Variants in STMN2 observed in about 807,000 individuals in gnomAD.
STMN2 encodes the protein stathmin-2.
STMN2 carries 2 observed loss-of-function variants against 24.1 expected under a neutral mutation model. The observed-to-expected ratio is 0.08, with a 90% CI of 0.03 to 0.26. The LOEUF (loss-of-function observed/expected upper bound fraction) is 0.26, where lower values mean the gene tolerates loss of function less well. STMN2 is among the 10% of genes least tolerant of loss of function. STMN2 has a pLI of 1.00. For synonymous variants in STMN2, 83 were observed against 77.5 expected, an observed-to-expected ratio of 1.07 and a Z score of -0.37; for missense variants, 114 against 213.6, an observed-to-expected ratio of 0.53 and a Z score of 2.91.
intron 4 of STMN2, among the ~76,000 whole-genome samples, chr8:79,656,150 G>A (rs13256597): frequency 0.13 from 19,138 of 152,132 alleles, 1,506 homozygotes; most frequent in Non-Finnish European, 0.18. Context: ...AAGGAAATCA[G>A]GCATGAAAAC....
intron 4 of STMN2, among the ~76,000 whole-genome samples, chr8:79,664,297 A>G (rs1806557628): frequency 6.6e-6 from 1 of 152,216 alleles, no homozygotes; most frequent in South Asian, 2.1e-4. Context: ...CTGAAACATC[A>G]AGTGTGTGTA....
intron 3 of STMN2, among the ~76,000 whole-genome samples, chr8:79,653,272 G>A (rs533713928): frequency 2.0e-5 from 3 of 152,256 alleles, no homozygotes; most frequent in African/African-American, 7.2e-5. Context: ...AGCTACTCAG[G>A]AAGCTGAGAC....
At chr8:79,615,065 A>G (rs1809352821) in intron 1 of STMN2, among the ~76,000 whole-genome samples, 1 of 152,282 alleles carries the variant, frequency 6.6e-6, no homozygotes, top group Non-Finnish European at 1.5e-5. Context: ...ATTTAAGATC[A>G]AATAGTTACT....
At chr8:79,628,054 A>G (rs1194644482) in intron 1 of STMN2, among the ~76,000 whole-genome samples, 1 of 152,232 alleles carries the variant, frequency 6.6e-6, no homozygotes, top group Non-Finnish European at 1.5e-5. Context: ...ATAATGATGC[A>G]GTGAACATAG....
intron 1 of STMN2, among the ~76,000 whole-genome samples, chr8:79,617,850 A>G (rs1168444578): frequency 6.6e-6 from 1 of 152,238 alleles, no homozygotes; most frequent in African/African-American, 2.4e-5. Flanking sequence ...ACCCTTGTAT[A>G]GCACATATAA....
At chr8:79,612,644 GC>G (rs2130285877) in intron 1 of STMN2, among the ~76,000 whole-genome samples, 1 of 152,266 alleles carries the variant, frequency 6.6e-6, no homozygotes, top group Non-Finnish European at 1.5e-5. Context: ...GCGCTCAGTG[GC>G]CCCGGGGTGA....
At chr8:79,625,982 CAATAA>C (rs1809644866) in intron 1 of STMN2, among the ~76,000 whole-genome samples, 2 of 150,964 alleles carry the variant, frequency 1.3e-5, no homozygotes, top group African/African-American at 4.9e-5. Context: ...ATAAATCAAT[CAATAA>C]AATAAAGATC....
rs781738820 is a variant in STMN2, at chr8:79,655,017, C to G, written c.435C>G (p.Asn145Lys). The change falls in exon 4 of 5, where the codon AAC becomes AAG. Residue 145 changes from asparagine to lysine, a missense_variant. Asn to Lys is a moderately conservative substitution (Grantham distance 94). Coordinates refer to ENST00000220876, the MANE Select transcript of STMN2 (RefSeq NM_007029.4). ...LILKMEQIKE[N>K]REANLAAIIE... ...TGAAAATGGAACAAATTAAGGAAAACCGTGAGGCTAATCTAGCTGCTATTA... is the reference window on the plus strand; with the variant it reads ...TGAAAATGGAACAAATTAAGGAAAAGCGTGAGGCTAATCTAGCTGCTATTA... 7.6e-5 allele frequency: 123 copies of G among 1,613,864 alleles called. 1 individual carries two copies. The highest frequency in any genetic ancestry group is 9.9e-5 in the Non-Finnish European group (117 of 1,179,938).
intron 1 of STMN2, among the ~76,000 whole-genome samples, chr8:79,621,479 A>T (rs1449648442): frequency 6.6e-6 from 1 of 152,238 alleles, no homozygotes; most frequent in Middle Eastern, 3.2e-3. Context: ...AGTCCCTCTG[A>T]CAACAGCATC....
At chr8:79,644,063 TG>T (rs1327130675) in intron 3 of STMN2, among the ~76,000 whole-genome samples, 1 of 152,210 alleles carries the variant, frequency 6.6e-6, no homozygotes, top group East Asian at 1.9e-4. Flanking sequence ...TTTATTCTAT[TG>T]GGTTATACTG....
intron 1 of STMN2, among the ~76,000 whole-genome samples, chr8:79,616,170 ATCT>A (rs776250225): frequency 1.3e-5 from 2 of 152,138 alleles, no homozygotes; most frequent in Non-Finnish European, 2.9e-5. Flanking sequence ...TATTTTTCCC[ATCT>A]TCTAAGTCTG....
chr8:79,611,190 C>T lies in STMN2; in HGVS notation c.-6C>T. The T allele has an allele frequency of 6.2e-7, 1 of 1,614,104 alleles. No individual in the cohort carries two copies. The highest frequency in any genetic ancestry group is 1.1e-5 in the South Asian group (1 of 91,078). ...CGCCACTGCTCAGCGTCTGCACATCCCTACAATGGCTAAAACAGCAATGGG... is the reference window on the plus strand; with the variant it reads ...CGCCACTGCTCAGCGTCTGCACATCTCTACAATGGCTAAAACAGCAATGGG... On this transcript the variant is annotated 5_prime_UTR_variant, in exon 1 of 5. Transcript: ENST00000220876.
chr8:79,617,385 AT>A (rs1809409355), intron 1 of STMN2, among the ~76,000 whole-genome samples: 1 of 152,240 alleles, frequency 6.6e-6, no homozygotes, highest in Non-Finnish European at 1.5e-5. Context: ...AAATTAAAAA[AT>A]ATAACATTTC....
At chr8:79,645,863 G>A (rs1810206070) in intron 3 of STMN2, among the ~76,000 whole-genome samples, 1 of 152,028 alleles carries the variant, frequency 6.6e-6, no homozygotes, top group Non-Finnish European at 1.5e-5. Context: ...TAAGTAATTA[G>A]TATTTACTGG....
chr8:79,635,755 GA>G (rs1809931541), intron 1 of STMN2, among the ~76,000 whole-genome samples: 3 of 152,144 alleles, frequency 2.0e-5, no homozygotes. Flanking sequence ...TGGACTACTA[GA>G]GGGGGGAAGG....
intron 3 of STMN2, among the ~76,000 whole-genome samples, chr8:79,643,139 A>ATGTG (rs201032345): frequency 9.6e-6 from 1 of 104,478 alleles, no homozygotes; most frequent in African/African-American, 3.6e-5. Context: ...TGGTGTGTGT[A>ATGTG]TGTGTGTGTG....
chr8:79,664,674 A>C, intron 4 of STMN2, 141 bp from the exon 5 acceptor site: 12 of 514,410 alleles, frequency 2.3e-5, no homozygotes, highest in Non-Finnish European at 3.0e-5. Flanking sequence ...GACATTTTGC[A>C]GGGCCCATAT....
chr8:79,611,711 G>T (rs959727938), intron 1 of STMN2: 2 of 966,188 alleles, frequency 2.1e-6, no homozygotes, highest in Non-Finnish European at 2.5e-6. Flanking sequence ...GAGACGGGGG[G>T]AGGGGATGGA....
intron 3 of STMN2, among the ~76,000 whole-genome samples, chr8:79,643,737 G>T (rs1175099295): frequency 6.6e-6 from 1 of 151,976 alleles, no homozygotes; most frequent in Non-Finnish European, 1.5e-5. Context: ...AATTATCAAT[G>T]ATTATACATT....
Sources: gnomAD v4.1 joint callset for allele counts (sites outside exome capture counted in the v4.1 genomes callset) on GRCh38, gnomAD v4.1.1 for gene constraint, MANE v1.5 for transcripts, NCBI Gene and HGNC (gene_info 2026-07-23, HGNC 2026-07-21) for gene names.